Variants in SCHIP1 observed in about 807,000 individuals in gnomAD.
SCHIP1 encodes the protein schwannomin interacting protein 1.
A neutral mutation model predicts 29.7 loss-of-function variants in SCHIP1; 8 were observed. The ratio of observed to expected loss-of-function variants is 0.27; its 90% CI spans 0.16 to 0.49. The LOEUF is 0.49. SCHIP1 is among the 20% of genes least tolerant of loss of function. The pLI, the probability that SCHIP1 is intolerant of heterozygous loss-of-function variation, is 0.99. For synonymous variants in SCHIP1, 76 were observed against 94.9 expected (o/e 0.80, Z 1.16); for missense variants, 193 against 294.6 (o/e 0.66, Z 2.52).
chr3:159,891,516 CAG>C (rs944344245), intron 5 of SCHIP1, among the ~76,000 whole-genome samples: 16 of 152,256 alleles, frequency 1.1e-4, no homozygotes, highest in African/African-American at 3.6e-4. Context: ...TTAGAAATTT[CAG>C]GGGTTATTTC....
the SCHIP1 span, among the ~76,000 whole-genome samples, chr3:159,370,744 T>TCTGA: frequency 6.6e-6 from 1 of 152,204 alleles, no homozygotes; most frequent in Non-Finnish European, 1.5e-5. Flanking sequence ...TCTCCTGCTA[T>TCTGA]CTGACATGAG....
At chr3:159,725,085 A>G in the SCHIP1 span, among the ~76,000 whole-genome samples, 1 of 152,164 alleles carries the variant, frequency 6.6e-6, no homozygotes, top group African/African-American at 2.4e-5. Context: ...ATGGTTTAAC[A>G]CAACAAACTT....
the SCHIP1 span, among the ~76,000 whole-genome samples, chr3:159,385,376 G>A: frequency 2.0e-5 from 3 of 152,122 alleles, no homozygotes; most frequent in Non-Finnish European, 4.4e-5. Context: ...TGGCCAACAT[G>A]GCAAAATCCA....
chr3:159,706,926 A>G, the SCHIP1 span, among the ~76,000 whole-genome samples: 4 of 152,054 alleles, frequency 2.6e-5, no homozygotes, highest in African/African-American at 9.7e-5. Context: ...TTTATTCAGC[A>G]CTCGTTATGT....
At chr3:159,614,938 A>C in the SCHIP1 span, among the ~76,000 whole-genome samples, 2 of 152,228 alleles carry the variant, frequency 1.3e-5, no homozygotes, top group Non-Finnish European at 2.9e-5. Flanking sequence ...GACAGCCAGG[A>C]GATTCGGACA....
At chr3:159,571,545 G>C in the SCHIP1 span, among the ~76,000 whole-genome samples, 1 of 152,098 alleles carries the variant, frequency 6.6e-6, no homozygotes, top group Non-Finnish European at 1.5e-5. Context: ...ATTTTATTGA[G>C]GATTTTCACA....
At chr3:159,303,005 TA>T in the SCHIP1 span, among the ~76,000 whole-genome samples, 1 of 152,340 alleles carries the variant, frequency 6.6e-6, no homozygotes. Context: ...GTAAGTATTA[TA>T]CTATTATCTC....
the SCHIP1 span, among the ~76,000 whole-genome samples, chr3:159,714,175 G>A: frequency 6.6e-6 from 1 of 152,306 alleles, no homozygotes; most frequent in South Asian, 2.1e-4. Context: ...AGGCAGGGTT[G>A]CAGTGAGCTG....
At chr3:159,795,659 TC>T in the SCHIP1 span, among the ~76,000 whole-genome samples, 2 of 152,234 alleles carry the variant, frequency 1.3e-5, no homozygotes, top group Non-Finnish European at 2.9e-5. Flanking sequence ...AAGAAAGTGT[TC>T]ACTTCATTTG....
chr3:159,407,487 A>C, the SCHIP1 span, among the ~76,000 whole-genome samples: 10 of 152,226 alleles, frequency 6.6e-5, no homozygotes, highest in Non-Finnish European at 4.4e-5. Context: ...CCAGACAGAA[A>C]ATAGACAAAG....
At chr3:159,331,632 C>T in the SCHIP1 span, among the ~76,000 whole-genome samples, 2 of 152,140 alleles carry the variant, frequency 1.3e-5, no homozygotes, top group Non-Finnish European at 2.9e-5. Flanking sequence ...CTTCCTCTCA[C>T]GGATGAAATT....
At chr3:159,728,794 C>T in the SCHIP1 span, among the ~76,000 whole-genome samples, 1 of 152,180 alleles carries the variant, frequency 6.6e-6, no homozygotes, top group Non-Finnish European at 1.5e-5. Flanking sequence ...CAGTTAGAAA[C>T]AGAATTATTC....
chr3:159,878,639 G>A (rs1362462094), intron 2 of SCHIP1, among the ~76,000 whole-genome samples: 8 of 147,536 alleles, frequency 5.4e-5, no homozygotes, highest in African/African-American at 2.0e-4. Flanking sequence ...TTAGCCGGGC[G>A]TAGTGGCGGG....
chr3:159,693,173 G>A, the SCHIP1 span, among the ~76,000 whole-genome samples: 6 of 152,214 alleles, frequency 3.9e-5, 1 homozygote, highest in African/African-American at 1.4e-4. Context: ...TGTTTTTAAT[G>A]AGAATTGATG....
the SCHIP1 span, among the ~76,000 whole-genome samples, chr3:159,340,175 A>G: frequency 1.3e-5 from 2 of 152,124 alleles, no homozygotes; most frequent in African/African-American, 2.4e-5. Context: ...CTACTGTTCA[A>G]TCTCATCTAC....
the SCHIP1 span, among the ~76,000 whole-genome samples, chr3:159,409,388 A>C: frequency 2.6e-5 from 4 of 152,184 alleles, no homozygotes; most frequent in African/African-American, 9.6e-5. Context: ...GTAAAAATCT[A>C]AAGATTCCAC....
At chr3:159,656,661 T>C in the SCHIP1 span, among the ~76,000 whole-genome samples, 27 of 152,296 alleles carry the variant, frequency 1.8e-4, no homozygotes, top group Admixed American at 1.6e-3. Context: ...ATGGTTTCCA[T>C]GAGAAAAAAT....
intron 1 of SCHIP1, among the ~76,000 whole-genome samples, chr3:159,852,429 T>C (rs1712766391): frequency 6.6e-6 from 1 of 152,198 alleles, no homozygotes; most frequent in African/African-American, 2.4e-5. Flanking sequence ...AAGCTGATTC[T>C]GATGAGTGTG....
the SCHIP1 span, among the ~76,000 whole-genome samples, chr3:159,509,295 G>A: frequency 6.6e-6 from 1 of 152,114 alleles, no homozygotes; most frequent in Non-Finnish European, 1.5e-5. Flanking sequence ...TGCAACCCCT[G>A]CCTTTTTTTG....
Sources: allele counts gnomAD v4.1 joint callset (sites outside exome capture counted in the v4.1 genomes callset), GRCh38; gene constraint gnomAD v4.1.1; transcripts MANE v1.5; gene names NCBI Gene and HGNC (gene_info 2026-07-23, HGNC 2026-07-21).